Variants in ARFIP2 observed in about 807,000 individuals in gnomAD.
The protein encoded by ARFIP2 is arfaptin-2.
In ARFIP2, 14 loss-of-function variants were observed where a neutral mutation model predicts 39.2. The observed-to-expected ratio is 0.36, with a 90% CI of 0.24 to 0.56. The LOEUF is 0.56. Among genes scored for constraint, ARFIP2 ranks in the 20% least tolerant of loss-of-function variants. The probability of loss-of-function intolerance (pLI) is 0.85; values close to 1 mark genes in which losing one functional copy is unlikely to be tolerated. For missense variants in ARFIP2, 305 were observed against 422.5 expected (o/e 0.72, Z 2.44); for synonymous variants, 167 against 172.4 (o/e 0.97, Z 0.24).
rs1043102799 is a variant in ARFIP2, at chr11:6,481,259, G to C, written c.-71C>G. On this transcript the variant is annotated 5_prime_UTR_variant, in exon 1 of 8. Coordinates refer to ENST00000396777, the MANE Select transcript of ARFIP2 (RefSeq NM_001376558.2). ...GGGCCGGGCCGCTCTTCCCCTCAGGGCGCCAGGCCCGGGCCGCGCGGGGAC... is the reference window on the plus strand; with the variant it reads ...GGGCCGGGCCGCTCTTCCCCTCAGGCCGCCAGGCCCGGGCCGCGCGGGGAC... 4.8e-5 allele frequency: 29 copies of C among 602,628 alleles called. No homozygotes were observed. Among genetic ancestry groups the C allele is most frequent in the African/African-American group, 1.1e-4 (6 of 53,650 alleles). 37.3% of individuals were successfully genotyped at this position (602,628 alleles called of 1,614,324 possible). A position where few individuals can be genotyped will look rare whatever the true frequency, so the allele number is the denominator to read the frequency against.
intron 3 of ARFIP2, 115 bp from the exon 4 acceptor site, chr11:6,479,373 G>C: frequency 1.9e-6 from 3 of 1,600,066 alleles, no homozygotes; most frequent in Non-Finnish European, 2.5e-6. Flanking sequence ...GGAGATGCTA[G>C]AGACAACTGG....
chr11:6,480,152 C>A, intron 2 of ARFIP2, 84 bp from the exon 3 acceptor site: 1 of 1,363,746 alleles, frequency 7.3e-7, no homozygotes, highest in Non-Finnish European at 1.0e-6. Context: ...TGGATTCAAG[C>A]ATCATAAAGA....
intron 3 of ARFIP2, 82 bp downstream of exon 3, chr11:6,479,890 C>T: frequency 7.3e-7 from 1 of 1,365,502 alleles, no homozygotes; most frequent in Non-Finnish European, 1.0e-6. Flanking sequence ...ATAATTCAAG[C>T]TTTCCTAGAC....
intron 3 of ARFIP2, 28 bp from the exon 4 acceptor site, chr11:6,479,286 C>CCT (rs1244352007): frequency 6.2e-7 from 1 of 1,613,874 alleles, no homozygotes; most frequent in African/African-American, 1.3e-5. Flanking sequence ...CTGACACCAG[C>CCT]CTCTCTCAGA....
chr11:6,477,862 T>TA lies in ARFIP2; in HGVS notation c.725dup (p.Leu242PhefsTer18). 1 of 1,613,930 alleles carries TA rather than the reference T, an allele frequency of 6.2e-7. No homozygotes were observed. Among genetic ancestry groups the TA allele is most frequent in the Non-Finnish European group, 8.5e-7 (1 of 1,179,968 alleles). ...CCCGGGGGCCTAGACTCAGCTCCTC[T>TA]AAGTCTGTTCGGTAGGCATCATATT... is the stretch of plus-strand genomic sequence containing the variant. On this transcript the variant is annotated frameshift_variant, in exon 7 of 8. Coordinates refer to ENST00000396777, the MANE Select transcript of ARFIP2 (RefSeq NM_001376558.2). LOFTEE classifies it high-confidence loss of function. The surrounding 1 kb of genome is among the most constrained non-coding windows in gnomAD (Gnocchi z 4.8).
At position 6,479,219 on chromosome 11, in the gene ARFIP2, C is replaced by T. The variant is rs1851452655; in HGVS notation, c.236G>A (p.Gly79Asp). Residue 79 changes from glycine (G) to aspartate (D), a missense_variant, in exon 4 of 8, where the codon GGC becomes GAC. Coordinates refer to ENST00000396777, the MANE Select transcript of ARFIP2 (RefSeq NM_001376558.2). ...GCCCCGAGCCACCTCATCTCCAGGG[C>T]CAGAAGGAGTGGTGCTGTGAGATGG... is the stretch of plus-strand genomic sequence containing the variant. ...RHPSHSTTPS[G>D]PGDEVARGIA... The T allele has an allele frequency of 6.2e-7, 1 of 1,614,146 alleles. No individual in the cohort carries two copies.
chr11:6,477,350 A>T lies in ARFIP2; in HGVS notation c.871-82T>A. 1 of 1,479,754 alleles carries T rather than the reference A, an allele frequency of 6.8e-7. No homozygotes were observed. The highest frequency in any genetic ancestry group is 9.1e-7 in the Non-Finnish European group (1 of 1,099,826). 91.7% of individuals were successfully genotyped at this position (1,479,754 alleles called of 1,614,324 possible). A position where few individuals can be genotyped will look rare whatever the true frequency, so the allele number is the denominator to read the frequency against. On this transcript the variant is annotated intron_variant, in intron 7 of 7. Coordinates refer to ENST00000396777, the MANE Select transcript of ARFIP2 (RefSeq NM_001376558.2). This position sits in a 1 kb window ranked among gnomAD's most constrained non-coding sequence, Gnocchi z 4.8. The stretch of plus-strand genomic sequence containing the variant: ...ATGAGCCTGAGCCCAGGCACAGACC[A>T]GGGGCACAAGGACTCTGCTCTGATG...
chr11:6,480,502 C>A, intron 1 of ARFIP2, 39 bp from the exon 2 acceptor site: 2 of 1,120,890 alleles, frequency 1.8e-6, no homozygotes, highest in Non-Finnish European at 2.5e-6. Flanking sequence ...CACTGGCCAG[C>A]ACTCTAGAAG....
At chr11:6,479,815 G>A in intron 3 of ARFIP2, 157 bp downstream of exon 3, 1 of 718,400 alleles carries the variant, frequency 1.4e-6, no homozygotes, top group Non-Finnish European at 2.4e-6. Flanking sequence ...AACGCTGGGA[G>A]TTGCTTTTGG....
Position 6,480,440 on chromosome 11 carries a change from A to G in ARFIP2, c.-19T>C. The G allele has an allele frequency of 6.3e-7, 1 of 1,592,374 alleles. No individual in the cohort carries two copies. Among genetic ancestry groups the G allele is most frequent in the South Asian group, 1.1e-5 (1 of 88,270 alleles). On this transcript the variant is annotated 5_prime_UTR_variant, in exon 2 of 8. Transcript: ENST00000396777. The stretch of plus-strand genomic sequence containing the variant: ...CCGTCATGGCTAGGAAAGGTATTGG[A>G]GTAAAACTCTCCACCCCAGCACCCT...
chr11:6,481,041 C>A, intron 1 of ARFIP2, 190 bp downstream of exon 1: 1 of 215,814 alleles, frequency 4.6e-6, no homozygotes, highest in Non-Finnish European at 9.4e-6. Flanking sequence ...CTGGTAAAAG[C>A]CTCTCTCTCC....
In ARFIP2 at chr11:6,480,383, C is replaced by T. The variant is rs16914023; in HGVS notation, c.39G>A (p.Glu13=). ...CTTCGCCGTTCCCGTGGATAGGGAT[C>T]TCCATTGTGGCTGCCTTCCCTAGGA... ...DGILGKAATM[E]IPIHGNGEAR... The change falls in exon 2 of 8, where the codon GAG becomes GAA. Residue 13 remains glutamate (E), a synonymous_variant. Coordinates refer to ENST00000396777, the MANE Select transcript of ARFIP2 (RefSeq NM_001376558.2). 10,882 of 1,613,508 alleles carry T rather than the reference C, an allele frequency of 6.7e-3. 598 individuals are homozygous for T. The African/African-American group carries it at 0.12, about 18-fold the overall frequency.
chr11:6,478,088 C>G lies in ARFIP2; in HGVS notation c.648G>C (p.Lys216Asn), dbSNP rs1447965685. 6.2e-7 allele frequency: 1 copy of G among 1,614,104 alleles called. No individual in the cohort carries two copies. Reference sequence around the variant, plus strand: ...CAGTCATGAGCGTGTCTTCCATGGTCTTGGTGACCAATGTGTTGATGCTAG... The same window carrying G: ...CAGTCATGAGCGTGTCTTCCATGGTGTTGGTGACCAATGTGTTGATGCTAG... ...FVSSINTLVT[K>N]TMEDTLMTVK... Residue 216 changes from lysine (K) to asparagine (N), a missense_variant, in exon 6 of 8, where the codon AAG becomes AAC. Lys to Asn is a moderately conservative substitution (Grantham distance 94). This residue lies in a region of ARFIP2 where 42 missense variants were observed against 101.2 expected (regional missense o/e 0.42). Transcript: ENST00000396777. This position sits in a 1 kb window ranked among gnomAD's most constrained non-coding sequence, Gnocchi z 4.8.
At position 6,478,142 on chromosome 11, in the gene ARFIP2, C is replaced by T. The variant is rs200976094; in HGVS notation, c.594G>A (p.Thr198=). Reference sequence around the variant, plus strand: ...CAAAGAAGTTCACGGCTCCTAGCAGCGTTTCCCCATTCTTGCATAGTAGTT... The same window carrying T: ...CAAAGAAGTTCACGGCTCCTAGCAGTGTTTCCCCATTCTTGCATAGTAGTT... ...TQKLLCKNGE[T]LLGAVNFFVS... Residue 198 remains threonine, a synonymous_variant, in exon 6 of 8, where the codon ACG becomes ACA. Transcript: ENST00000396777. This position sits in a 1 kb window ranked among gnomAD's most constrained non-coding sequence, Gnocchi z 4.8. 1.9e-4 allele frequency: 310 copies of T among 1,614,102 alleles called. 1 individual carries two copies. The East Asian group carries it at 5.7e-3, about 30-fold the overall frequency.
intron 3 of ARFIP2, chr11:6,479,607 T>G: frequency 1.8e-6 from 1 of 566,682 alleles, no homozygotes; most frequent in Admixed American, 3.3e-5. Flanking sequence ...GGAATCTTAG[T>G]GTGAGATTCA....
intron 3 of ARFIP2, 51 bp downstream of exon 3, chr11:6,479,921 C>G (rs939628139): frequency 1.3e-6 from 2 of 1,556,108 alleles, no homozygotes; most frequent in Non-Finnish European, 1.8e-6. Flanking sequence ...CTTCCCCAAA[C>G]CATTCCTGTC....
In ARFIP2 at chr11:6,478,005, A is replaced by C. The variant is rs766335306; in HGVS notation, c.695+36T>G. The C allele has an allele frequency of 6.2e-7, 1 of 1,608,286 alleles. No individual in the cohort carries two copies. The highest frequency in any genetic ancestry group is 8.5e-7 in the Non-Finnish European group (1 of 1,175,666). The stretch of plus-strand genomic sequence containing the variant: ...GCCCAAATTTCCACCCATACCAGCC[A>C]ACTCCCCAAACCCTAAGCCCTGCCA... On this transcript the variant is annotated intron_variant, in intron 6 of 7. Transcript: ENST00000396777. The surrounding 1 kb of genome is among the most constrained non-coding windows in gnomAD (Gnocchi z 4.8).
chr11:6,479,865 C>T, intron 3 of ARFIP2, 107 bp downstream of exon 3: 3 of 1,147,000 alleles, frequency 2.6e-6, no homozygotes, highest in Non-Finnish European at 3.9e-6. Context: ...GCAGAAGTTC[C>T]CAAGATCTCC....
chr11:6,477,859 C>T lies in ARFIP2; in HGVS notation c.729G>A (p.Glu243=), dbSNP rs1215880275. Residue 243 remains glutamate, a synonymous_variant, in exon 7 of 8, where the codon GAG becomes GAA. Coordinates refer to ENST00000396777, the MANE Select transcript of ARFIP2 (RefSeq NM_001376558.2). This position sits in a 1 kb window ranked among gnomAD's most constrained non-coding sequence, Gnocchi z 4.8. ...CATCCCGGGGGCCTAGACTCAGCTC[C>T]TCTAAGTCTGTTCGGTAGGCATCAT... ...LEYDAYRTDL[E]ELSLGPRDAG... is the part of the protein sequence containing the mutation. 3 of 1,613,870 alleles carry T rather than the reference C, an allele frequency of 1.9e-6. No individual in the cohort carries two copies. The African/African-American group carries it at 4.0e-5, about 22-fold the overall frequency.
Sources: gnomAD v4.1 joint callset for allele counts on GRCh38, gnomAD v4.1.1 for gene constraint, gnomAD v4.1.1 regional missense constraint, Gnocchi (gnomAD v3.1) non-coding constraint, MANE v1.5 for transcripts, NCBI Gene and HGNC (gene_info 2026-07-23, HGNC 2026-07-21) for gene names.